Variants in ZNF638 observed in about 807,000 individuals in gnomAD.
ZNF638 encodes CTCL tumor antigen se33-1.
In ZNF638, 46 loss-of-function variants were observed where a neutral mutation model predicts 195.6. The ratio of observed to expected loss-of-function variants is 0.24; its 90% CI spans 0.19 to 0.30. ZNF638 has a LOEUF of 0.30. Among genes scored for constraint, ZNF638 ranks in the 10% least tolerant of loss-of-function variants. The probability of loss-of-function intolerance (pLI) is 1.00; values close to 1 mark genes in which losing one functional copy is unlikely to be tolerated. For missense variants in ZNF638, 2,440 were observed against 2,325.3 expected (o/e 1.05, Z -1.01); for synonymous variants, 845 against 772.0 (o/e 1.09, Z -1.57).
chr2:71,382,876 A>G (rs1484165892), intron 10 of ZNF638, among the ~76,000 whole-genome samples: 1 of 152,102 alleles, frequency 6.6e-6, no homozygotes, highest in Non-Finnish European at 1.5e-5. Context: ...ATGACTTATT[A>G]AGTAGACAGA....
chr2:71,423,188 C>T lies in ZNF638; in HGVS notation c.3674C>T (p.Pro1225Leu). Reference sequence around the variant, plus strand: ...ATTAACCCTAAAACAGCATTGTTACCATCTGACAGTGTGTTTGCAGAAGAA... The same window carrying T: ...ATTAACCCTAAAACAGCATTGTTACTATCTGACAGTGTGTTTGCAGAAGAA... Reference protein sequence around the residue: ...EIINPKTALLPSDSVFAEERN... With the variant: ...EIINPKTALLLSDSVFAEERN... Residue 1225 changes from proline to leucine, a missense_variant, in exon 22 of 28, where the codon CCA (proline) becomes CTA (leucine). By Grantham distance (98) the Pro-to-Leu change is moderately conservative. Coordinates refer to ENST00000264447, the MANE Select transcript of ZNF638 (RefSeq NM_014497.5). 2 of 1,614,056 alleles carry T rather than the reference C, an allele frequency of 1.2e-6. No homozygotes were observed. Among genetic ancestry groups the T allele is most frequent in the Non-Finnish European group, 1.7e-6 (2 of 1,180,000 alleles).
At chr2:71,388,314 CG>C (rs2079687819) in intron 10 of ZNF638, 7 of 450,662 alleles carry the variant, frequency 1.6e-5, no homozygotes, top group South Asian at 8.0e-5. Context: ...TTTGATCATC[CG>C]ACCTTTGATC....
intron 2 of ZNF638, among the ~76,000 whole-genome samples, chr2:71,354,120 C>G (rs536755951): frequency 3.3e-4 from 50 of 152,254 alleles, no homozygotes; most frequent in Non-Finnish European, 6.3e-4. Flanking sequence ...TATTGTCAAC[C>G]GTGGTTTTAA....
chr2:71,426,712 G>C lies in ZNF638; in HGVS notation c.4843G>C (p.Ala1615Pro), dbSNP rs770330044. The change falls in exon 24 of 28, where the codon GCA becomes CCA. Residue 1615 changes from alanine (A) to proline (P), a missense_variant. Physicochemically the swap from Ala to Pro is conservative, Grantham distance 27. Around this residue, in one of 5 missense-constraint regions of ZNF638, gnomAD observed 1,883 missense variants for 1,739.1 expected, o/e 1.08. Transcript: ENST00000264447. Reference sequence around the variant, plus strand: ...AGAGGAAGATGCAGCTGCACATCTAGCACAAGCTCTAGTCACTGTGGATGA... The same window carrying C: ...AGAGGAAGATGCAGCTGCACATCTACCACAAGCTCTAGTCACTGTGGATGA... ...GEEEDAAAHLAQALVTVDEVI... is the reference protein window; with the variant it reads ...GEEEDAAAHLPQALVTVDEVI... 1.9e-6 allele frequency: 3 copies of C among 1,614,188 alleles called. No individual in the cohort carries two copies. Among genetic ancestry groups the C allele is most frequent in the Non-Finnish European group, 2.5e-6 (3 of 1,180,020 alleles).
intron 10 of ZNF638, 60 bp from the exon 11 acceptor site, chr2:71,396,081 A>G: frequency 1.3e-6 from 2 of 1,497,890 alleles, no homozygotes; most frequent in Non-Finnish European, 1.9e-6. Flanking sequence ...TTGACTTTTA[A>G]CTAAATCCAA....
chr2:71,370,624 A>G (rs1168202302), intron 8 of ZNF638, among the ~76,000 whole-genome samples: 1 of 152,094 alleles, frequency 6.6e-6, no homozygotes, highest in Non-Finnish European at 1.5e-5. Flanking sequence ...TTCTTTGTGT[A>G]TGTGTGTGTT....
chr2:71,388,118 T>A (rs1308773091), intron 10 of ZNF638, among the ~76,000 whole-genome samples: 1 of 151,994 alleles, frequency 6.6e-6, no homozygotes, highest in Non-Finnish European at 1.5e-5. Context: ...TTGGTCAGGG[T>A]GGTGGGAAAA....
At chr2:71,361,760 G>A (rs1194054074) in intron 3 of ZNF638, 1 of 152,148 alleles carries the variant, frequency 6.6e-6, no homozygotes, top group Non-Finnish European at 1.5e-5. Context: ...GTATCTCATT[G>A]GTTAGAACTT....
intron 8 of ZNF638, among the ~76,000 whole-genome samples, chr2:71,372,659 C>A (rs765855976): frequency 3.9e-5 from 6 of 152,122 alleles, no homozygotes; most frequent in Non-Finnish European, 8.8e-5. Context: ...TGCAGATAGT[C>A]GTTAAAATTT....
At chr2:71,381,727 A>G (rs962574244) in intron 10 of ZNF638, among the ~76,000 whole-genome samples, 1 of 152,166 alleles carries the variant, frequency 6.6e-6, no homozygotes, top group Non-Finnish European at 1.5e-5. Flanking sequence ...TGAAAAAATA[A>G]TTCACAGAAC....
chr2:71,373,620 A>G (rs867696496), intron 8 of ZNF638, among the ~76,000 whole-genome samples: 3 of 148,502 alleles, frequency 2.0e-5, no homozygotes, highest in Non-Finnish European at 3.0e-5. Context: ...GGGTTTCACC[A>G]TGTTAGCCAG....
intron 3 of ZNF638, 57 bp from the exon 4 acceptor site, chr2:71,363,096 A>C: frequency 7.9e-7 from 1 of 1,272,910 alleles, no homozygotes; most frequent in Non-Finnish European, 1.1e-6. Context: ...GTAAAGATTA[A>C]TTGAGCCTTA....
intron 1 of ZNF638, among the ~76,000 whole-genome samples, chr2:71,333,383 T>C (rs866777185): frequency 2.0e-5 from 3 of 152,238 alleles, no homozygotes; most frequent in Admixed American, 1.3e-4. Flanking sequence ...CAAAATCTTA[T>C]TCGTTTTTAT....
chr2:71,419,732 A>C (rs755870545), intron 21 of ZNF638, among the ~76,000 whole-genome samples: 12 of 152,156 alleles, frequency 7.9e-5, no homozygotes, highest in Non-Finnish European at 1.8e-4. Flanking sequence ...ATAGACCTAA[A>C]GATTGGCCAC....
At chr2:71,354,868 A>G (rs1056481911) in intron 2 of ZNF638, among the ~76,000 whole-genome samples, 9 of 152,096 alleles carry the variant, frequency 5.9e-5, no homozygotes, top group African/African-American at 2.2e-4. Flanking sequence ...GATCAGTAGC[A>G]TTTTTCCCCA....
At chr2:71,426,330 A>G (rs1381838375) in intron 23 of ZNF638, 130 bp from the exon 24 acceptor site, 1 of 655,776 alleles carries the variant, frequency 1.5e-6, no homozygotes, top group Non-Finnish European at 2.5e-6. Context: ...TCTTAATTTT[A>G]GCCTTTAGGA....
At chr2:71,384,115 A>G (rs115757495) in intron 10 of ZNF638, among the ~76,000 whole-genome samples, 2,256 of 152,210 alleles carry the variant, frequency 0.015, 55 homozygotes, top group African/African-American at 0.05. Context: ...TTTTCAGCCA[A>G]TCAGTGGCGG....
At chr2:71,372,100 A>G (rs1300591097) in intron 8 of ZNF638, among the ~76,000 whole-genome samples, 1 of 152,136 alleles carries the variant, frequency 6.6e-6, no homozygotes, top group Non-Finnish European at 1.5e-5. Flanking sequence ...GGTGAGAGAT[A>G]GGGTTCAGGT....
chr2:71,401,300 G>A (rs1222855751), intron 15 of ZNF638, among the ~76,000 whole-genome samples: 1 of 151,828 alleles, frequency 6.6e-6, no homozygotes, highest in East Asian at 1.9e-4. Flanking sequence ...TGATGAGAGA[G>A]TTACCTTGAA....
Sources: gnomAD v4.1 joint callset for allele counts (sites outside exome capture counted in the v4.1 genomes callset) on GRCh38, gnomAD v4.1.1 for gene constraint, gnomAD v4.1.1 regional missense constraint, MANE v1.5 for transcripts, NCBI Gene and HGNC (gene_info 2026-07-23, HGNC 2026-07-21) for gene names.